The following GPC5 variants were observed in gnomAD, a reference collection of about 807,000 sequenced individuals.
The protein encoded by GPC5 is glypican-5.
In GPC5, 47 loss-of-function variants were observed where a neutral mutation model predicts 53.9. That is an observed-to-expected ratio of 0.87 (90% CI 0.69 to 1.11). GPC5 has a LOEUF of 1.11. Among genes scored for constraint, GPC5 ranks in the 50% most tolerant of loss-of-function variants. The pLI is 0.00. For missense variants in GPC5, 748 were observed against 713.1 expected, an observed-to-expected ratio of 1.05 and a Z score of -0.56; for synonymous variants, 286 against 263.3, an observed-to-expected ratio of 1.09 and a Z score of -0.84.
intron 7 of GPC5, among the ~76,000 whole-genome samples, chr13:92,665,108 A>C (rs2139194626): frequency 6.6e-6 from 1 of 152,266 alleles, no homozygotes; most frequent in Non-Finnish European, 1.5e-5. Flanking sequence ...GATGCACCCA[A>C]AACTGCTAAC....
intron 3 of GPC5, among the ~76,000 whole-genome samples, chr13:91,700,805 G>T (rs2139853538): frequency 6.6e-6 from 1 of 152,254 alleles, no homozygotes; most frequent in Non-Finnish European, 1.5e-5. Context: ...CTTTTGTTAA[G>T]TTATTGAGGT....
chr13:92,543,532 G>A (rs7329653), intron 7 of GPC5, among the ~76,000 whole-genome samples: 64,442 of 151,204 alleles, frequency 0.43, 14,353 homozygotes, highest in African/African-American at 0.55. Context: ...AGGCGTAGGG[G>A]ATATGACTAC....
chr13:92,492,572 T>G lies in GPC5; in HGVS notation c.1561+347583T>G, dbSNP rs1384241681. 3.3e-5 allele frequency among the ~76,000 whole-genome samples: 5 copies of G among 151,970 alleles called. No homozygotes were observed. In the East Asian group the frequency reaches 7.7e-4, roughly 23 times the overall value. ...AAAACAAAACAAAAAAAGTAACACA[T>G]TAATTTTCTTAAGAAAGTAATTCCC... On this transcript the variant is annotated intron_variant, in intron 7 of 7. Transcript: ENST00000377067.
chr13:92,294,826 CTTTTTTT>C (rs147963724), intron 7 of GPC5, among the ~76,000 whole-genome samples: 11 of 99,000 alleles, frequency 1.1e-4, no homozygotes, highest in Admixed American at 7.2e-4. Context: ...TTTTTTTTTT[CTTTTTTT>C]TTTTTTTTTT....
chr13:91,939,676 T>C (rs993496754), intron 6 of GPC5, among the ~76,000 whole-genome samples: 1 of 152,168 alleles, frequency 6.6e-6, no homozygotes, highest in Admixed American at 6.5e-5. Context: ...TTTATTGGTT[T>C]GACAGTAAGT....
At chr13:92,125,353 G>A (rs1450798898) in intron 6 of GPC5, among the ~76,000 whole-genome samples, 3 of 152,136 alleles carry the variant, frequency 2.0e-5, no homozygotes, top group Admixed American at 6.5e-5. Flanking sequence ...AAGTTTGGGG[G>A]TGATATATTA....
intron 7 of GPC5, among the ~76,000 whole-genome samples, chr13:92,682,871 T>C (rs1887150216): frequency 1.3e-5 from 2 of 152,210 alleles, no homozygotes; most frequent in South Asian, 4.1e-4. Context: ...TTTCCTGGCT[T>C]TCTGGGAAGA....
intron 7 of GPC5, among the ~76,000 whole-genome samples, chr13:92,744,768 C>A (rs550110627): frequency 6.6e-6 from 1 of 151,920 alleles, no homozygotes; most frequent in South Asian, 2.1e-4. Context: ...AGAGAATAAG[C>A]CTAATTCTGA....
At chr13:92,651,849 A>G (rs1309424679) in intron 7 of GPC5, among the ~76,000 whole-genome samples, 2 of 152,212 alleles carry the variant, frequency 1.3e-5, no homozygotes, top group Non-Finnish European at 2.9e-5. Context: ...ATTGATAATT[A>G]AAGTAGTATA....
intron 7 of GPC5, among the ~76,000 whole-genome samples, chr13:92,351,942 T>G (rs2043481636): frequency 6.6e-6 from 1 of 152,200 alleles, no homozygotes; most frequent in Non-Finnish European, 1.5e-5. Flanking sequence ...GAAGTAATTA[T>G]TTATAAAACT....
intron 7 of GPC5, among the ~76,000 whole-genome samples, chr13:92,521,165 T>G (rs1401956588): frequency 6.6e-6 from 1 of 152,092 alleles, no homozygotes; most frequent in African/African-American, 2.4e-5. Context: ...TGCTCACGGG[T>G]GGGAAGAATC....
chr13:92,785,497 G>A (rs1444671413), intron 7 of GPC5, among the ~76,000 whole-genome samples: 2 of 152,086 alleles, frequency 1.3e-5, no homozygotes, highest in African/African-American at 2.4e-5. Context: ...ATTTCTAAGA[G>A]AAAGAAAAGA....
At chr13:91,917,505 G>C (rs9523447) in intron 6 of GPC5, among the ~76,000 whole-genome samples, 110,207 of 152,170 alleles carry the variant, frequency 0.72, 40,597 homozygotes, top group East Asian at 0.96. Context: ...GACAATGGCT[G>C]TCTTCTCACA....
In GPC5 at chr13:92,820,728, T is replaced by C. The variant is rs1877646193; in HGVS notation, c.1562-45554T>C. Among the ~76,000 whole-genome samples, 4 of 152,186 alleles carry C rather than the reference T, an allele frequency of 2.6e-5. No individual in the cohort carries two copies. In the South Asian group the frequency reaches 8.3e-4, roughly 31 times the overall value. On this transcript the variant is annotated intron_variant, in intron 7 of 7. Transcript: ENST00000377067. ...TTTTCTGTAGGTTCTTCCTTCTACC[T>C]AGAACATGTATTTTCCTCTTTTTCA...
At chr13:91,912,353 A>G (rs1169482846) in intron 6 of GPC5, among the ~76,000 whole-genome samples, 1 of 151,230 alleles carries the variant, frequency 6.6e-6, no homozygotes, top group Non-Finnish European at 1.5e-5. Flanking sequence ...TCTGTCTCCC[A>G]ACAACAACAA....
chr13:91,817,812 A>G (rs2038423362), intron 5 of GPC5, among the ~76,000 whole-genome samples: 1 of 152,184 alleles, frequency 6.6e-6, no homozygotes, highest in Non-Finnish European at 1.5e-5. Context: ...TTCTTTCAAC[A>G]TATCTTATGT....
intron 7 of GPC5, among the ~76,000 whole-genome samples, chr13:92,191,143 G>C (rs535186896): frequency 6.6e-6 from 1 of 152,162 alleles, no homozygotes; most frequent in South Asian, 2.1e-4. Context: ...TAGTGATAAA[G>C]GGTCAATACT....
At chr13:91,566,214 A>G (rs1194319517) in intron 2 of GPC5, among the ~76,000 whole-genome samples, 3 of 152,140 alleles carry the variant, frequency 2.0e-5, no homozygotes, top group African/African-American at 7.2e-5. Context: ...TGAGTTTCTT[A>G]GGAAACTATG....
intron 1 of GPC5, among the ~76,000 whole-genome samples, chr13:91,400,163 A>G (rs1876827505): frequency 6.6e-6 from 1 of 152,172 alleles, no homozygotes; most frequent in Non-Finnish European, 1.5e-5. Context: ...TATGAAGCCA[A>G]CACAGACGAA....
Sources: gnomAD v4.1 joint callset for allele counts (sites outside exome capture counted in the v4.1 genomes callset) on GRCh38, gnomAD v4.1.1 for gene constraint, MANE v1.5 for transcripts, NCBI Gene and HGNC (gene_info 2026-07-23, HGNC 2026-07-21) for gene names.